MTHFD1L: variants seen among roughly 807,000 people sequenced by gnomAD.
MTHFD1L encodes the protein methylenetetrahydrofolate dehydrogenase (NADP+ dependent) 1 like.
MTHFD1L carries 81 observed loss-of-function variants against 119.5 expected under a neutral mutation model. The observed-to-expected ratio is 0.68, with a 90% CI of 0.57 to 0.82. The LOEUF (loss-of-function observed/expected upper bound fraction) is 0.82, where lower values mean the gene tolerates loss of function less well. Among genes scored for constraint, MTHFD1L ranks in the 40% least tolerant of loss-of-function variants. The pLI, the probability that MTHFD1L is intolerant of heterozygous loss-of-function variation, is 0.00. For missense variants in MTHFD1L, 1,125 were observed against 1,253.4 expected, an observed-to-expected ratio of 0.90 and a Z score of 1.55; for synonymous variants, 430 against 475.2, an observed-to-expected ratio of 0.90 and a Z score of 1.24.
chr6:151,069,251 T>TTCTCTC (rs371324778), intron 26 of MTHFD1L, among the ~76,000 whole-genome samples: 32,443 of 136,394 alleles, frequency 0.24, 3,915 homozygotes, highest in East Asian at 0.55. Context: ...TTCTCTCTCT[T>TTCTCTC]TCTCTCTCTC....
At chr6:150,921,081 A>T (rs1341913655) in intron 9 of MTHFD1L, among the ~76,000 whole-genome samples, 2 of 149,856 alleles carry the variant, frequency 1.3e-5, no homozygotes, top group African/African-American at 4.9e-5. Context: ...CCTCCTGAGT[A>T]GTTGGGATTA....
chr6:151,028,792 T>C (rs1401990543), intron 24 of MTHFD1L, among the ~76,000 whole-genome samples: 1 of 152,152 alleles, frequency 6.6e-6, no homozygotes, highest in African/African-American at 2.4e-5. Context: ...AATGGTAAAT[T>C]AGGCCAGGCA....
rs766113674 is a variant in MTHFD1L at position 151,034,558 on chromosome 6, C to G, written c.2652C>G (p.Leu884=). The G allele has an allele frequency of 1.9e-6, 3 of 1,611,884 alleles. No individual in the cohort carries two copies. Among genetic ancestry groups the G allele is most frequent in the Non-Finnish European group, 1.7e-6 (2 of 1,179,750 alleles). The part of the protein sequence containing the change: ...QAVYGAKDIE[L]SPEAQAKIDR... ...TCTATGGAGCCAAAGATATTGAACT[C>G]TCTCCTGAGGCACAAGCCAAAATAG... Residue 884 remains leucine, a synonymous_variant, in exon 25 of 28, where the codon CTC becomes CTG. Transcript: ENST00000367321.
rs548178508 is a variant in MTHFD1L, at chr6:150,922,919, C to G, written c.1082+617C>G. 2.6e-5 allele frequency among the ~76,000 whole-genome samples: 4 copies of G among 152,300 alleles called. No homozygotes were observed. The East Asian group carries it at 7.7e-4, about 29-fold the overall frequency. The stretch of plus-strand genomic sequence containing the variant: ...TTGGCCTCCCAAAGTGCTGGGATTA[C>G]AGGCGTGAGCGACCACGCCTGGCCT... On this transcript the variant is annotated intron_variant, in intron 10 of 27. Coordinates refer to ENST00000367321, the MANE Select transcript of MTHFD1L (RefSeq NM_015440.5).
At chr6:150,925,337 A>C (rs1025471890) in intron 10 of MTHFD1L, among the ~76,000 whole-genome samples, 7 of 152,118 alleles carry the variant, frequency 4.6e-5, no homozygotes, top group African/African-American at 1.2e-4. Flanking sequence ...GAAGGGCCTG[A>C]CTGCCCAGCA....
Position 150,877,837 on chromosome 6 carries a change from C to T in MTHFD1L, c.417+11C>T. 1 of 1,614,208 alleles carries T rather than the reference C, an allele frequency of 6.2e-7. No homozygotes were observed. The highest frequency in any genetic ancestry group is 1.1e-5 in the South Asian group (1 of 91,088). The stretch of plus-strand genomic sequence containing the variant: ...AGCAGTGAAGCCGAGGTAATAATGG[C>T]AGAGCTCTAAACTCTTGCTTCTTCT... On this transcript the variant is annotated intron_variant, in intron 4 of 27. Transcript: ENST00000367321.
At position 150,960,320 on chromosome 6, in the gene MTHFD1L, G is replaced by A; in HGVS notation, c.1849G>A (p.Ala617Thr). ...GGCCAGCGAGATCATGGCGGTGCTG[G>A]CCCTGACGGACAGCCTCGCAGACAT... is the stretch of plus-strand genomic sequence containing the variant. ...AVASEIMAVLALTDSLADMKA... is the reference protein window; with the variant it reads ...AVASEIMAVLTLTDSLADMKA... Residue 617 changes from alanine (A) to threonine (T), a missense_variant, in exon 18 of 28, where the codon GCC (alanine) becomes ACC (threonine). Ala to Thr is a moderately conservative substitution (Grantham distance 58). Transcript: ENST00000367321. 6.2e-7 allele frequency: 1 copy of A among 1,614,072 alleles called. No homozygotes were observed. Among genetic ancestry groups the A allele is most frequent in the Non-Finnish European group, 8.5e-7 (1 of 1,179,994 alleles).
At chr6:151,099,935 C>T (rs535204454) in intron 27 of MTHFD1L, 4 of 1,104,334 alleles carry the variant, frequency 3.6e-6, no homozygotes, top group East Asian at 2.3e-5. Flanking sequence ...AATGAGTAGA[C>T]AGCTCGTGTG....
intron 20 of MTHFD1L, among the ~76,000 whole-genome samples, chr6:150,973,025 A>G (rs754315231): frequency 9.9e-5 from 15 of 152,220 alleles, no homozygotes; most frequent in Non-Finnish European, 2.2e-4. Context: ...ACCAAAACAC[A>G]GGCATTCATG....
In MTHFD1L at chr6:151,013,826, A is replaced by C. The variant is rs1300160788; in HGVS notation, c.2307+6A>C. ...AGAAAGAATATACAGAGGAGGTAAG[A>C]GGAGCTGTTTAGATGCTTATGTGAA... On this transcript the variant is annotated splice_donor_region_variant and intron_variant, in intron 22 of 27. Coordinates refer to ENST00000367321, the MANE Select transcript of MTHFD1L (RefSeq NM_015440.5). 6.2e-7 allele frequency: 1 copy of C among 1,611,058 alleles called. No individual in the cohort carries two copies. The highest frequency in any genetic ancestry group is 8.5e-7 in the Non-Finnish European group (1 of 1,177,878).
intron 16 of MTHFD1L, among the ~76,000 whole-genome samples, chr6:150,950,080 T>A (rs973296762): frequency 6.6e-6 from 1 of 152,182 alleles, no homozygotes; most frequent in African/African-American, 2.4e-5. Flanking sequence ...GACTAATAGA[T>A]TATCTTGCTT....
At chr6:151,096,190 A>C (rs531566242) in intron 27 of MTHFD1L, among the ~76,000 whole-genome samples, 1 of 152,324 alleles carries the variant, frequency 6.6e-6, no homozygotes, top group Non-Finnish European at 1.5e-5. Flanking sequence ...AAGTAAAGAT[A>C]ATTGTTTGGG....
Position 150,999,574 on chromosome 6 carries a change from C to A in MTHFD1L, c.2126-10245C>A, listed in dbSNP as rs368661618. Among the ~76,000 whole-genome samples the A allele has an allele frequency of 2.6e-5, 4 of 152,244 alleles. No homozygotes were observed. The South Asian group carries it at 6.2e-4, about 24-fold the overall frequency. The stretch of plus-strand genomic sequence containing the variant: ...GGATAATGGATTTATGAATTTAATT[C>A]TGATGGATTTTTATAAAGGAGCTAA... On this transcript the variant is annotated intron_variant, in intron 20 of 27. Transcript: ENST00000367321.
chr6:151,017,192 C>T (rs1267606007), intron 24 of MTHFD1L, among the ~76,000 whole-genome samples: 2 of 152,158 alleles, frequency 1.3e-5, no homozygotes, highest in Admixed American at 6.6e-5. Flanking sequence ...CTGAACAACT[C>T]CCCATGCCCC....
At chr6:151,012,019 CAAAAAAAAAAAA>C (rs1043831602) in intron 21 of MTHFD1L, among the ~76,000 whole-genome samples, 19 of 58,824 alleles carry the variant, frequency 3.2e-4, no homozygotes, top group South Asian at 2.0e-3. Context: ...ACAACAACAA[CAAAAAAAAAAAA>C]AAAAAAAAAA....
chr6:150,980,955 AT>A (rs1777405463), intron 20 of MTHFD1L, among the ~76,000 whole-genome samples: 1 of 151,874 alleles, frequency 6.6e-6, no homozygotes, highest in African/African-American at 2.4e-5. Context: ...TGGCCCAGCA[AT>A]TTTTTTCATG....
At chr6:150,916,378 C>T (rs543620530) in intron 8 of MTHFD1L, among the ~76,000 whole-genome samples, 10 of 142,926 alleles carry the variant, frequency 7.0e-5, no homozygotes, top group African/African-American at 2.3e-4. Context: ...CTCGGCTCAC[C>T]GCAATCTCCG....
intron 16 of MTHFD1L, among the ~76,000 whole-genome samples, chr6:150,950,035 C>A (rs910397623): frequency 6.6e-6 from 1 of 151,470 alleles, no homozygotes; most frequent in Non-Finnish European, 1.5e-5. Flanking sequence ...ACATTTGGAA[C>A]ATATTTATCA....
rs1445940783 is a variant in MTHFD1L at position 150,973,401 on chromosome 6, G to A, written c.2125+1343G>A. On this transcript the variant is annotated intron_variant, in intron 20 of 27. Coordinates refer to ENST00000367321, the MANE Select transcript of MTHFD1L (RefSeq NM_015440.5). ...TTGCTCCTTCGGTAGCAAATCCACT[G>A]CAAGAGTGGCTAGACATACTGTCTA... is the stretch of plus-strand genomic sequence containing the variant. Among the ~76,000 whole-genome samples the A allele has an allele frequency of 7.2e-5, 11 of 152,180 alleles. No individual in the cohort carries two copies. In the East Asian group the frequency reaches 2.1e-3, roughly 29 times the overall value.
Sources: gnomAD v4.1 joint callset for allele counts (sites outside exome capture counted in the v4.1 genomes callset) on GRCh38, gnomAD v4.1.1 for gene constraint, MANE v1.5 for transcripts, NCBI Gene and HGNC (gene_info 2026-07-23, HGNC 2026-07-21) for gene names.